The following GOLGA4 variants were observed in gnomAD, a reference collection of about 807,000 sequenced individuals.
GOLGA4 encodes the protein golgin A4, also known as golgin subfamily A member 4.
In GOLGA4, 169 loss-of-function variants were observed where a neutral mutation model predicts 265.9. That is an observed-to-expected ratio of 0.64 (90% CI 0.56 to 0.72). GOLGA4 has a LOEUF of 0.72. Among genes scored for constraint, GOLGA4 ranks in the 30% least tolerant of loss-of-function variants. GOLGA4 has a pLI of 0.00. For missense variants in GOLGA4, 2,482 were observed against 2,483.4 expected (o/e 1.00, Z 0.01); for synonymous variants, 923 against 855.8 (o/e 1.08, Z -1.37).
intron 13 of GOLGA4, among the ~76,000 whole-genome samples, chr3:37,323,046 T>A (rs771247396): frequency 1.5e-4 from 23 of 151,956 alleles, no homozygotes; most frequent in Non-Finnish European, 3.4e-4. Context: ...CTGAAAAGGT[T>A]CCCCAAGTAA....
intron 18 of GOLGA4, 97 bp from the exon 19 acceptor site, chr3:37,337,569 T>G: frequency 1.3e-6 from 1 of 787,782 alleles, no homozygotes; most frequent in Non-Finnish European, 2.2e-6. Flanking sequence ...AAGTTAAAAC[T>G]TAAAAAGACT....
At chr3:37,285,690 G>A (rs2096846591) in intron 3 of GOLGA4, among the ~76,000 whole-genome samples, 1 of 152,246 alleles carries the variant, frequency 6.6e-6, no homozygotes, top group African/African-American at 2.4e-5. Flanking sequence ...TGCTGTTGCT[G>A]ATTTAGTCTG....
At position 37,243,476 on chromosome 3, in the gene GOLGA4, C is replaced by T. The variant is rs994078290; in HGVS notation, c.-75C>T. The T allele has an allele frequency of 7.8e-7, 1 of 1,286,114 alleles. No homozygotes were observed. The highest frequency in any genetic ancestry group is 1.1e-6 in the Non-Finnish European group (1 of 881,906). The allele number at this position is 1,286,114 out of a possible 1,614,324, so 79.7% of individuals were successfully genotyped here. A position where few individuals can be genotyped will look rare whatever the true frequency, so the allele number is the denominator to read the frequency against. On this transcript the variant is annotated 5_prime_UTR_variant, in exon 1 of 24. Coordinates refer to ENST00000361924, the MANE Select transcript of GOLGA4 (RefSeq NM_002078.5). ...CCCTGGTGTAAAGAAGTCGCCGTAG[C>T]CGTCGCGGCCGGGACTCCCCGGGCT...
intron 7 of GOLGA4, 152 bp from the exon 8 acceptor site, chr3:37,298,681 C>T (rs191169550): frequency 1.8e-4 from 103 of 563,488 alleles, no homozygotes; most frequent in African/African-American, 1.8e-3. Context: ...GTTAGTTCAG[C>T]CTACACCCAG....
chr3:37,293,960 T>C (rs1348676249), intron 5 of GOLGA4, among the ~76,000 whole-genome samples: 1 of 152,220 alleles, frequency 6.6e-6, no homozygotes, highest in African/African-American at 2.4e-5. Flanking sequence ...AGTATTTGCA[T>C]ATCCAAGTCT....
rs540823305 is a variant in GOLGA4, at chr3:37,275,641, C to T, written c.163-6317C>T. ...CCTGCTGTGTCTTCCGCTCCAGCTT[C>T]GCCCACTTCCCCTTGCCAGCGGGGT... On this transcript the variant is annotated intron_variant, in intron 2 of 23. Transcript: ENST00000361924. 254 of 1,599,046 alleles carry T rather than the reference C, an allele frequency of 1.6e-4. 3 individuals carry two copies. The East Asian group carries it at 5.1e-3, about 32-fold the overall frequency.
At chr3:37,314,343 G>C (rs372325385) in intron 10 of GOLGA4, among the ~76,000 whole-genome samples, 9 of 152,140 alleles carry the variant, frequency 5.9e-5, no homozygotes, top group African/African-American at 1.9e-4. Context: ...GAGCTGTTTG[G>C]CTTCCTTAAA....
intron 10 of GOLGA4, among the ~76,000 whole-genome samples, chr3:37,314,050 C>G (rs1186519591): frequency 2.6e-5 from 4 of 151,564 alleles, no homozygotes; most frequent in Admixed American, 2.6e-4. Flanking sequence ...CTTGCTGCAG[C>G]CTCTGTCTCC....
At chr3:37,364,162 C>T (rs1696564017) in intron 23 of GOLGA4, among the ~76,000 whole-genome samples, 1 of 152,174 alleles carries the variant, frequency 6.6e-6, no homozygotes, top group Non-Finnish European at 1.5e-5. Flanking sequence ...CTCTATTAAT[C>T]TTACTTGGTA....
intron 20 of GOLGA4, among the ~76,000 whole-genome samples, chr3:37,342,473 C>A (rs17199498): frequency 2.6e-5 from 4 of 152,232 alleles, no homozygotes; most frequent in Non-Finnish European, 1.5e-5. Context: ...ACTGTTTCCC[C>A]TGACTTTTCT....
At chr3:37,344,015 A>C (rs753773185) in intron 20 of GOLGA4, among the ~76,000 whole-genome samples, 1 of 152,208 alleles carries the variant, frequency 6.6e-6, no homozygotes, top group Non-Finnish European at 1.5e-5. Flanking sequence ...TTCTTCTATA[A>C]ATAGGAACTT....
rs1012898962 is a variant in GOLGA4 at position 37,276,491 on chromosome 3, A to G, written c.163-5467A>G. 2.4e-5 allele frequency: 39 copies of G among 1,609,826 alleles called. No individual in the cohort carries two copies. The Middle Eastern group carries it at 9.8e-4, about 41-fold the overall frequency. On this transcript the variant is annotated intron_variant, in intron 2 of 23. Transcript: ENST00000361924. Reference sequence around the variant, plus strand: ...TGACTTGTTCACATGTGGCAAATGTAAAAAGAAGAATTGCACTTACACACA... The same window carrying G: ...TGACTTGTTCACATGTGGCAAATGTGAAAAGAAGAATTGCACTTACACACA...
At position 37,316,705 on chromosome 3, in the gene GOLGA4, A is replaced by G. The variant is rs149103829; in HGVS notation, c.1413+1107A>G. Among the ~76,000 whole-genome samples, 38 of 152,338 alleles carry G rather than the reference A, an allele frequency of 2.5e-4. 1 individual carries two copies. The highest frequency in any genetic ancestry group is 8.9e-4 in the African/African-American group (37 of 41,590). On this transcript the variant is annotated intron_variant, in intron 11 of 23. Transcript: ENST00000361924. ...AAAAATCAGAAGATATGAAGTATGT[A>G]GTGAAAAGATTCCCATTTTCCCAAA...
At chr3:37,252,624 T>C (rs1027955090) in intron 2 of GOLGA4, among the ~76,000 whole-genome samples, 3 of 152,296 alleles carry the variant, frequency 2.0e-5, no homozygotes, top group Non-Finnish European at 2.9e-5. Flanking sequence ...TGAGAGTCTT[T>C]ATTTTTCTAC....
At chr3:37,356,134 C>T (rs984769286) in intron 22 of GOLGA4, among the ~76,000 whole-genome samples, 1 of 152,158 alleles carries the variant, frequency 6.6e-6, no homozygotes, top group Non-Finnish European at 1.5e-5. Flanking sequence ...TCCTTCTCTA[C>T]ATGATCACCT....
At chr3:37,360,295 C>T (rs2097101072) in intron 22 of GOLGA4, among the ~76,000 whole-genome samples, 1 of 152,046 alleles carries the variant, frequency 6.6e-6, no homozygotes, top group Non-Finnish European at 1.5e-5. Flanking sequence ...CAGTTTCCTC[C>T]TCATTCCATT....
chr3:37,360,918 C>T (rs1318327625), intron 22 of GOLGA4, among the ~76,000 whole-genome samples: 1 of 152,020 alleles, frequency 6.6e-6, no homozygotes, highest in East Asian at 1.9e-4. Context: ...TGAAAGAGAT[C>T]CTTTTGTAAA....
chr3:37,295,097 A>C lies in GOLGA4; in HGVS notation c.681+20A>C. 7.2e-7 allele frequency: 1 copy of C among 1,396,728 alleles called. No individual in the cohort carries two copies. The highest frequency in any genetic ancestry group is 9.8e-7 in the Non-Finnish European group (1 of 1,018,790). The allele number at this position is 1,396,728 out of a possible 1,614,324, so 86.5% of individuals were successfully genotyped here. A position where few individuals can be genotyped will look rare whatever the true frequency, so the allele number is the denominator to read the frequency against. On this transcript the variant is annotated intron_variant, in intron 6 of 23. Coordinates refer to ENST00000361924, the MANE Select transcript of GOLGA4 (RefSeq NM_002078.5). ...ACTCAGGTAAAAGAGTAAAAGAAAA[A>C]GTGTGGAATTTTTTGGATAAAGAAA...
intron 17 of GOLGA4, among the ~76,000 whole-genome samples, chr3:37,336,666 G>A (rs2097013929): frequency 6.6e-6 from 1 of 152,086 alleles, no homozygotes; most frequent in South Asian, 2.1e-4. Flanking sequence ...AGCTACTTGG[G>A]AGGCTGAGGC....
Sources: allele counts gnomAD v4.1 joint callset (sites outside exome capture counted in the v4.1 genomes callset), GRCh38; gene constraint gnomAD v4.1.1; transcripts MANE v1.5; gene names NCBI Gene and HGNC (gene_info 2026-07-23, HGNC 2026-07-21).